PTPRJ: variants seen among roughly 807,000 people sequenced by gnomAD.
PTPRJ encodes protein tyrosine phosphatase receptor type J.
A neutral mutation model predicts 141.3 loss-of-function variants in PTPRJ; 129 were observed. The observed-to-expected ratio is 0.91, with a 90% CI of 0.79 to 1.06. The LOEUF is 1.06. PTPRJ is among the 50% of genes least tolerant of loss of function. PTPRJ has a pLI of 0.00. For synonymous variants in PTPRJ, 610 were observed against 640.5 expected (o/e 0.95, Z 0.72); for missense variants, 1,601 against 1,679.7 (o/e 0.95, Z 0.82).
chr11:48,117,616 G>GA (rs71045546), intron 3 of PTPRJ, among the ~76,000 whole-genome samples: 10,885 of 127,700 alleles, frequency 0.085, 473 homozygotes, highest in Middle Eastern at 0.14. Context: ...GAGCCTGTCT[G>GA]AAAAAAACAA....
chr11:48,013,188 G>A (rs1267984330), intron 1 of PTPRJ, among the ~76,000 whole-genome samples: 1 of 151,588 alleles, frequency 6.6e-6, no homozygotes, highest in African/African-American at 2.4e-5. Flanking sequence ...GACAGGTGAT[G>A]TTAAATTCCA....
chr11:48,010,689 C>A (rs970345864), intron 1 of PTPRJ, among the ~76,000 whole-genome samples: 2 of 151,348 alleles, frequency 1.3e-5, no homozygotes, highest in African/African-American at 4.9e-5. Context: ...AGGCATGCCA[C>A]CACGCCCAGG....
chr11:48,135,025 T>C (rs1208937940), intron 8 of PTPRJ, among the ~76,000 whole-genome samples: 1 of 152,144 alleles, frequency 6.6e-6, no homozygotes, highest in Non-Finnish European at 1.5e-5. Context: ...AAAAACCTCT[T>C]TATTGAGATA....
chr11:48,113,280 A>G (rs114888235), intron 3 of PTPRJ, among the ~76,000 whole-genome samples: 3,153 of 152,314 alleles, frequency 0.021, 111 homozygotes, highest in African/African-American at 0.072. Flanking sequence ...TTGTTTTACA[A>G]ATATCAAGGT....
chr11:48,052,406 C>T (rs557267402), intron 1 of PTPRJ, among the ~76,000 whole-genome samples: 7 of 152,348 alleles, frequency 4.6e-5, no homozygotes, highest in Admixed American at 4.6e-4. Flanking sequence ...TGGACATCCT[C>T]TGGAGCCCAG....
chr11:48,078,795 GTTTTTTTTTT>G (rs55980751), intron 1 of PTPRJ, among the ~76,000 whole-genome samples: 1 of 96,274 alleles, frequency 1.0e-5, no homozygotes, highest in African/African-American at 4.1e-5. Flanking sequence ...TCTGTAAATA[GTTTTTTTTTT>G]TTTTTTTTTT....
chr11:48,162,420 C>T (rs2134387843), intron 22 of PTPRJ, among the ~76,000 whole-genome samples: 1 of 151,312 alleles, frequency 6.6e-6, no homozygotes, highest in African/African-American at 2.4e-5. Flanking sequence ...CCTTTTTCTT[C>T]CTCTTCCCCC....
At chr11:48,156,618 A>C in intron 21 of PTPRJ, among the ~76,000 whole-genome samples, 1 of 121,526 alleles carries the variant, frequency 8.2e-6, no homozygotes, top group African/African-American at 3.2e-5. Flanking sequence ...TTTTTGAGAC[A>C]GGGTCTCCTC....
Position 48,136,213 on chromosome 11 carries a change from T to A in PTPRJ, c.1790T>A (p.Ile597Asn). 1 of 1,614,194 alleles carries A rather than the reference T, an allele frequency of 6.2e-7. No homozygotes were observed. Among genetic ancestry groups the A allele is most frequent in the Non-Finnish European group, 8.5e-7 (1 of 1,180,030 alleles). ...AAAGCGATTACTCTCCAGGGCCTGATTCCGGGCACCTTATATAACATCACC... is the reference window on the plus strand; with the variant it reads ...AAAGCGATTACTCTCCAGGGCCTGAATCCGGGCACCTTATATAACATCACC... ...YDKAITLQGL[I>N]PGTLYNITIS... The change falls in exon 9 of 25, where the codon ATT (isoleucine) becomes AAT (asparagine). Residue 597 changes from isoleucine to asparagine, a missense_variant. Physicochemically the swap from Ile to Asn is moderately radical, Grantham distance 149. Coordinates refer to ENST00000418331, the MANE Select transcript of PTPRJ (RefSeq NM_002843.4).
Position 47,980,894 on chromosome 11 carries a change from G to T in PTPRJ, c.-19G>T. ...GGCCCGATTCGCGCGTCCGGGGCACGTTCCAGGGCGCGCGGGGCATGAAGC... is the reference window on the plus strand; with the variant it reads ...GGCCCGATTCGCGCGTCCGGGGCACTTTCCAGGGCGCGCGGGGCATGAAGC... On this transcript the variant is annotated 5_prime_UTR_variant, in exon 1 of 25. Transcript: ENST00000418331. 1 of 1,140,498 alleles carries T rather than the reference G, an allele frequency of 8.8e-7. No homozygotes were observed. The highest frequency in any genetic ancestry group is 1.1e-6 in the Non-Finnish European group (1 of 930,334). 70.6% of individuals were successfully genotyped at this position (1,140,498 alleles called of 1,614,324 possible). A position where few individuals can be genotyped will look rare whatever the true frequency, so the allele number is the denominator to read the frequency against.
intron 1 of PTPRJ, among the ~76,000 whole-genome samples, chr11:48,059,031 A>G (rs1397044742): frequency 6.7e-6 from 1 of 148,580 alleles, no homozygotes; most frequent in Non-Finnish European, 1.5e-5. Context: ...TCCACCCTAC[A>G]GAGAGGCCGG....
rs757532542 is a variant in PTPRJ at position 48,112,777 on chromosome 11, C to A, written c.146C>A (p.Ala49Glu). Residue 49 changes from alanine to glutamate, a missense_variant, in exon 3 of 25, where the codon GCA becomes GAA. Coordinates refer to ENST00000418331, the MANE Select transcript of PTPRJ (RefSeq NM_002843.4). ...TPSPIPDPSV[A>E]TVATGENGIT... ...AGTCCAATTCCTGACCCTTCAGTAG[C>A]AACTGTTGCCACAGGGGAAAATGGC... is the stretch of plus-strand genomic sequence containing the variant. The A allele has an allele frequency of 2.4e-5, 39 of 1,613,994 alleles. No homozygotes were observed. The highest frequency in any genetic ancestry group is 3.1e-5 in the Non-Finnish European group (37 of 1,179,956).
At chr11:48,092,046 A>C (rs941489632) in intron 1 of PTPRJ, among the ~76,000 whole-genome samples, 2 of 151,956 alleles carry the variant, frequency 1.3e-5, no homozygotes, top group African/African-American at 4.8e-5. Context: ...CTGTAATCCC[A>C]GCATTTTGGG....
At chr11:48,081,344 A>G (rs1855552499) in intron 1 of PTPRJ, among the ~76,000 whole-genome samples, 1 of 152,170 alleles carries the variant, frequency 6.6e-6, no homozygotes, top group Non-Finnish European at 1.5e-5. Flanking sequence ...GAGTCAGTGG[A>G]ATGTGCTGGC....
At chr11:48,142,829 T>C in intron 11 of PTPRJ, 90 bp from the exon 12 acceptor site, 1 of 1,437,606 alleles carries the variant, frequency 7.0e-7, no homozygotes, top group Non-Finnish European at 9.3e-7. Context: ...GAGTAAGATC[T>C]TGAGGAGGTT....
chr11:48,139,223 TGG>T (rs1350966604), intron 10 of PTPRJ, among the ~76,000 whole-genome samples: 5 of 152,216 alleles, frequency 3.3e-5, no homozygotes, highest in Non-Finnish European at 7.3e-5. Flanking sequence ...CATGGAGCCC[TGG>T]TCTCTTCCAG....
intron 3 of PTPRJ, among the ~76,000 whole-genome samples, chr11:48,117,068 A>G (rs1187217201): frequency 2.6e-5 from 4 of 152,210 alleles, no homozygotes; most frequent in Non-Finnish European, 5.9e-5. Flanking sequence ...CACAGTAACT[A>G]TTGTTAATTG....
At chr11:48,040,556 A>AC (rs1854247495) in intron 1 of PTPRJ, among the ~76,000 whole-genome samples, 1 of 151,220 alleles carries the variant, frequency 6.6e-6, no homozygotes, top group African/African-American at 2.4e-5. Flanking sequence ...GGGTGATAGG[A>AC]CAGGTGACTG....
At chr11:48,139,926 C>T in intron 11 of PTPRJ, 150 bp downstream of exon 11, 3 of 833,838 alleles carry the variant, frequency 3.6e-6, no homozygotes, top group Non-Finnish European at 5.4e-6. Flanking sequence ...AGACTGGTTT[C>T]TCATTCTATA....
Sources: gnomAD v4.1 joint callset for allele counts (sites outside exome capture counted in the v4.1 genomes callset) on GRCh38, gnomAD v4.1.1 for gene constraint, MANE v1.5 for transcripts, NCBI Gene and HGNC (gene_info 2026-07-23, HGNC 2026-07-21) for gene names.